The following ZBTB7C variants were observed in gnomAD, a reference collection of about 807,000 sequenced individuals.
The protein encoded by ZBTB7C is zinc finger and BTB domain containing 7C, also known as zinc finger and BTB domain-containing protein 7C.
Under a neutral mutation model 25.7 loss-of-function variants are expected in ZBTB7C, and 8 were observed. The ratio of observed to expected loss-of-function variants is 0.31; its 90% CI spans 0.18 to 0.56. ZBTB7C has a LOEUF of 0.56. Ranked by LOEUF, ZBTB7C falls within the 20% of genes least tolerant of loss-of-function variation. The pLI is 0.91. For synonymous variants in ZBTB7C, 394 were observed against 369.0 expected (o/e 1.07, Z -0.78); for missense variants, 824 against 855.2 (o/e 0.96, Z 0.46).
intron 1 of ZBTB7C, among the ~76,000 whole-genome samples, chr18:48,339,848 CGG>C (rs1404336984): frequency 2.0e-5 from 3 of 152,122 alleles, no homozygotes; most frequent in Admixed American, 6.5e-5. Flanking sequence ...TTAACAGGAG[CGG>C]CTCAGGCACA....
chr18:48,309,639 T>G (rs565721668), intron 2 of ZBTB7C, among the ~76,000 whole-genome samples: 121 of 152,362 alleles, frequency 7.9e-4, no homozygotes, highest in Non-Finnish European at 1.3e-3. Context: ...TCCCCATAGC[T>G]ATCATAAAAG....
intron 3 of ZBTB7C, among the ~76,000 whole-genome samples, chr18:48,042,214 A>G (rs1056563247): frequency 6.6e-6 from 1 of 152,170 alleles, no homozygotes; most frequent in African/African-American, 2.4e-5. Flanking sequence ...CCTCTTTTCC[A>G]CTTATCACTA....
At chr18:48,278,120 A>G (rs1341094196) in intron 2 of ZBTB7C, among the ~76,000 whole-genome samples, 4 of 152,222 alleles carry the variant, frequency 2.6e-5, no homozygotes, top group Non-Finnish European at 5.9e-5. Flanking sequence ...TGTTCTGACC[A>G]ACAGAATGTG....
intron 2 of ZBTB7C, among the ~76,000 whole-genome samples, chr18:48,285,034 C>T (rs1316241719): frequency 2.6e-5 from 4 of 152,188 alleles, no homozygotes; most frequent in South Asian, 4.1e-4. Flanking sequence ...TTATTTGACA[C>T]TTGCTGAGAC....
At chr18:48,255,654 A>G (rs1020206143) in intron 2 of ZBTB7C, among the ~76,000 whole-genome samples, 4 of 152,164 alleles carry the variant, frequency 2.6e-5, no homozygotes, top group African/African-American at 9.7e-5. Context: ...TGACCAATCT[A>G]CTTTTGTTAT....
chr18:48,328,752 G>T (rs1453310300), intron 2 of ZBTB7C, among the ~76,000 whole-genome samples: 9 of 152,122 alleles, frequency 5.9e-5, no homozygotes, highest in Non-Finnish European at 1.2e-4. Flanking sequence ...GTATTTTTAG[G>T]GGAGGAGGGT....
chr18:48,179,917 CCTTCCTTCCTTCCCTGCTT>C (rs1568282457), intron 3 of ZBTB7C, among the ~76,000 whole-genome samples: 26 of 134,408 alleles, frequency 1.9e-4, no homozygotes, highest in African/African-American at 7.2e-4. Flanking sequence ...TTCCTCCCTT[CCTTCCTTCCTTCCCTGCTT>C]CCTTCCTTCC....
intron 3 of ZBTB7C, among the ~76,000 whole-genome samples, chr18:48,171,498 C>A (rs967128053): frequency 6.6e-6 from 1 of 152,250 alleles, no homozygotes; most frequent in African/African-American, 2.4e-5. Flanking sequence ...AGCAACTATG[C>A]GGCTGGAAGG....
intron 1 of ZBTB7C, among the ~76,000 whole-genome samples, chr18:48,353,576 T>TC (rs2046910495): frequency 6.6e-6 from 1 of 152,058 alleles, no homozygotes; most frequent in Admixed American, 6.6e-5. Flanking sequence ...AGAGTCCCTG[T>TC]CCCCCAGTAT....
chr18:48,312,535 C>T (rs2045845347), intron 2 of ZBTB7C, among the ~76,000 whole-genome samples: 1 of 152,176 alleles, frequency 6.6e-6, no homozygotes, highest in African/African-American at 2.4e-5. Flanking sequence ...AGTCAGATTG[C>T]CTGGGTTCAA....
chr18:48,212,219 T>G (rs2042718801), intron 2 of ZBTB7C, among the ~76,000 whole-genome samples: 1 of 152,070 alleles, frequency 6.6e-6, no homozygotes, highest in Admixed American at 6.5e-5. Flanking sequence ...TATATATTTT[T>G]AAAAAGTCAG....
intron 3 of ZBTB7C, chr18:48,149,177 TGTGTGTGTGCGCACGTGTGTGTGCACGC>T (rs150699944): frequency 0.042 from 6,183 of 148,882 alleles, 137 homozygotes; most frequent in Middle Eastern, 0.084. Flanking sequence ...AGTGTGTGCA[TGTGTGTGTGCGCACGTGTGTGTGCACGC>T]GTGTGTGTAT....
At chr18:48,333,882 C>T (rs1209292844) in intron 2 of ZBTB7C, among the ~76,000 whole-genome samples, 1 of 152,222 alleles carries the variant, frequency 6.6e-6, no homozygotes, top group African/African-American at 2.4e-5. Context: ...AACACTGTCT[C>T]AATGCCCAGG....
At chr18:48,349,554 C>A (rs898608074) in intron 1 of ZBTB7C, among the ~76,000 whole-genome samples, 2 of 152,178 alleles carry the variant, frequency 1.3e-5, no homozygotes, top group Non-Finnish European at 2.9e-5. Flanking sequence ...AAGGCAGAGA[C>A]CCTGAGTCAC....
At chr18:48,387,009 T>C (rs2047763841) in intron 1 of ZBTB7C, among the ~76,000 whole-genome samples, 1 of 152,204 alleles carries the variant, frequency 6.6e-6, no homozygotes, top group Admixed American at 6.5e-5. Flanking sequence ...GGAAGACTTC[T>C]CGGAGTAGGA....
intron 2 of ZBTB7C, among the ~76,000 whole-genome samples, chr18:48,192,391 C>T (rs565074799): frequency 6.6e-6 from 1 of 152,286 alleles, no homozygotes; most frequent in Admixed American, 6.5e-5. Context: ...GGATAGATGA[C>T]ATTATGCATT....
chr18:48,265,090 A>G (rs1471242896), intron 2 of ZBTB7C, among the ~76,000 whole-genome samples: 3 of 152,194 alleles, frequency 2.0e-5, no homozygotes, highest in African/African-American at 7.2e-5. Context: ...GCCTGGTTTT[A>G]GCAAGAATCA....
At chr18:48,384,696 T>A (rs1488790229) in intron 1 of ZBTB7C, among the ~76,000 whole-genome samples, 1 of 152,192 alleles carries the variant, frequency 6.6e-6, no homozygotes, top group Non-Finnish European at 1.5e-5. Context: ...TTTGTTTGTT[T>A]TTTGAGATTG....
intron 2 of ZBTB7C, among the ~76,000 whole-genome samples, chr18:48,289,800 G>T (rs1438242986): frequency 6.6e-6 from 1 of 152,070 alleles, no homozygotes; most frequent in Non-Finnish European, 1.5e-5. Flanking sequence ...GTCCTAGAAG[G>T]TGATGGTTCC....
Sources: gnomAD v4.1 joint callset for allele counts (sites outside exome capture counted in the v4.1 genomes callset) on GRCh38, gnomAD v4.1.1 for gene constraint, MANE v1.5 for transcripts, NCBI Gene and HGNC (gene_info 2026-07-23, HGNC 2026-07-21) for gene names.